NELL2: variants seen among roughly 807,000 people sequenced by gnomAD.
The protein encoded by NELL2 is neural EGFL like 2, also known as protein kinase C-binding protein NELL2.
In NELL2, 41 loss-of-function variants were observed where a neutral mutation model predicts 109.6. The ratio of observed to expected loss-of-function variants is 0.37; its 90% CI spans 0.29 to 0.49. NELL2 has a LOEUF of 0.49. Among genes scored for constraint, NELL2 ranks in the 20% least tolerant of loss-of-function variants. The probability of loss-of-function intolerance (pLI) is 0.98; values close to 1 mark genes in which losing one functional copy is unlikely to be tolerated. For synonymous variants in NELL2, 355 were observed against 344.7 expected (o/e 1.03, Z -0.33); for missense variants, 900 against 1,008.3 (o/e 0.89, Z 1.45).
At chr12:44,749,809 C>G (rs148538570) in intron 9 of NELL2, among the ~76,000 whole-genome samples, 64 of 152,060 alleles carry the variant, frequency 4.2e-4, no homozygotes, top group African/African-American at 1.4e-3. Flanking sequence ...GCAAATAACA[C>G]CATAAAAAGA....
At chr12:44,587,282 A>T (rs868669295) in intron 15 of NELL2, among the ~76,000 whole-genome samples, 1 of 70,502 alleles carries the variant, frequency 1.4e-5, no homozygotes, top group African/African-American at 5.7e-5. Flanking sequence ...AAAAAAAAAA[A>T]AAATATATAT....
At chr12:44,837,542 G>A (rs1026985155) in intron 2 of NELL2, among the ~76,000 whole-genome samples, 6 of 152,172 alleles carry the variant, frequency 3.9e-5, no homozygotes, top group Non-Finnish European at 1.5e-5. Flanking sequence ...CCAGATGAGC[G>A]TATGACAGGT....
intron 13 of NELL2, among the ~76,000 whole-genome samples, chr12:44,648,948 T>C (rs993621455): frequency 3.7e-5 from 3 of 82,042 alleles, no homozygotes; most frequent in African/African-American, 1.7e-4. Flanking sequence ...GTGTGTTTAG[T>C]AGAGACAGGG....
chr12:44,879,088 GAGA>G (rs1332326680), upstream of NELL2, among the ~76,000 whole-genome samples: 9 of 152,166 alleles, frequency 5.9e-5, no homozygotes, highest in Non-Finnish European at 1.2e-4. Flanking sequence ...AATGCAATAT[GAGA>G]AGAACTCGAC....
Position 44,714,203 on chromosome 12 carries a change from C to T in NELL2, c.1086+447G>A, listed in dbSNP as rs554347831. 2.6e-5 allele frequency among the ~76,000 whole-genome samples: 4 copies of T among 151,968 alleles called. No individual in the cohort carries two copies. The East Asian group carries it at 7.7e-4, about 29-fold the overall frequency. ...TTTAACTAATTTAAAACACTCCTTC[C>T]AAAGGGAATTAGATAAATATCAGTC... On this transcript the variant is annotated intron_variant, in intron 10 of 19. Coordinates refer to ENST00000429094, the MANE Select transcript of NELL2 (RefSeq NM_001145108.2).
At chr12:44,585,586 G>A (rs75271259) in intron 15 of NELL2, among the ~76,000 whole-genome samples, 4,816 of 152,228 alleles carry the variant, frequency 0.032, 123 homozygotes, top group Non-Finnish European at 0.048. Context: ...TCTCAAGAAC[G>A]AGACAGAACT....
intron 9 of NELL2, among the ~76,000 whole-genome samples, chr12:44,736,020 T>C: frequency 6.8e-6 from 1 of 147,054 alleles, no homozygotes; most frequent in East Asian, 2.0e-4. Context: ...TTTTTTTTTT[T>C]TTTTTTTTCT....
chr12:44,654,864 T>A (rs182157561), intron 13 of NELL2, among the ~76,000 whole-genome samples: 2 of 152,244 alleles, frequency 1.3e-5, no homozygotes, highest in Non-Finnish European at 1.5e-5. Context: ...GAAGACGAAC[T>A]CTGCTCCACG....
chr12:44,611,851 A>T (rs1945636138), intron 13 of NELL2, among the ~76,000 whole-genome samples: 2 of 152,080 alleles, frequency 1.3e-5, no homozygotes, highest in Admixed American at 1.3e-4. Flanking sequence ...TGAGAAAGCA[A>T]ACAAATCTAA....
chr12:44,784,476 T>C (rs890300760), intron 3 of NELL2, among the ~76,000 whole-genome samples: 2 of 152,162 alleles, frequency 1.3e-5, no homozygotes, highest in Non-Finnish European at 2.9e-5. Flanking sequence ...TACCATTCCT[T>C]CTGAAACTGT....
At chr12:44,648,114 G>C (rs1947162250) in intron 13 of NELL2, among the ~76,000 whole-genome samples, 1 of 152,136 alleles carries the variant, frequency 6.6e-6, no homozygotes, top group African/African-American at 2.4e-5. Context: ...AGAAACAGAT[G>C]GGGAGAGATA....
chr12:44,620,484 T>C lies in NELL2; in HGVS notation c.1445-9514A>G, dbSNP rs553929440. 2.2e-4 allele frequency among the ~76,000 whole-genome samples: 34 copies of C among 152,284 alleles called. 2 individuals are homozygous for C. The South Asian group carries it at 4.8e-3, about 21-fold the overall frequency. On this transcript the variant is annotated intron_variant, in intron 13 of 19. Coordinates refer to ENST00000429094, the MANE Select transcript of NELL2 (RefSeq NM_001145108.2). ...AATGGCAATCTTGCAGTATCTCTTA[T>C]TGTCTCTTCAAGTGCTTGCCCCATT...
At chr12:44,891,802 G>C (rs1945537644) in intron 1 of NELL2, among the ~76,000 whole-genome samples, 2 of 152,192 alleles carry the variant, frequency 1.3e-5, no homozygotes, top group South Asian at 4.1e-4. Context: ...GTTTAATCAA[G>C]TTGAAATGGA....
chr12:44,610,915 G>A lies in NELL2; in HGVS notation c.1500C>T (p.Phe500=), dbSNP rs1488173846. 3.1e-6 allele frequency: 5 copies of A among 1,612,964 alleles called. No individual in the cohort carries two copies. Among genetic ancestry groups the A allele is most frequent in the Admixed American group, 1.7e-5 (1 of 59,932 alleles). The part of the protein sequence containing the change: ...QHNCDENALC[F]NTVGGHNCVC... ...CACAGTTGTGTCCTCCAACAGTGTTGAAGCATAAAGCATTTTCATCACAGT... is the reference window on the plus strand; with the variant it reads ...CACAGTTGTGTCCTCCAACAGTGTTAAAGCATAAAGCATTTTCATCACAGT... The change falls in exon 14 of 20, where the codon TTC becomes TTT. Residue 500 remains phenylalanine, a synonymous_variant. Coordinates refer to ENST00000429094, the MANE Select transcript of NELL2 (RefSeq NM_001145108.2).
intron 11 of NELL2, among the ~76,000 whole-genome samples, chr12:44,708,564 TA>T (rs1938017537): frequency 6.6e-6 from 1 of 152,234 alleles, no homozygotes; most frequent in Non-Finnish European, 1.5e-5. Context: ...ACTAAAAATT[TA>T]AGCCTTGAAA....
chr12:44,810,004 A>T (rs1943122126), intron 3 of NELL2, among the ~76,000 whole-genome samples: 1 of 152,062 alleles, frequency 6.6e-6, no homozygotes, highest in South Asian at 2.1e-4. Flanking sequence ...CCAGTTAGTG[A>T]ATTCCTCATG....
intron 13 of NELL2, among the ~76,000 whole-genome samples, chr12:44,622,401 T>G (rs553383465): frequency 2.0e-5 from 3 of 152,232 alleles, no homozygotes; most frequent in South Asian, 4.1e-4. Flanking sequence ...ACTAAGCTAG[T>G]GAAAATCTCT....
intron 11 of NELL2, among the ~76,000 whole-genome samples, chr12:44,704,501 TA>T (rs1002715587): frequency 4.8e-4 from 73 of 152,334 alleles, no homozygotes; most frequent in African/African-American, 1.7e-3. Flanking sequence ...GAACATTTTA[TA>T]AATAGTGACA....
At chr12:44,631,033 A>G (rs897982002) in intron 13 of NELL2, among the ~76,000 whole-genome samples, 1 of 151,858 alleles carries the variant, frequency 6.6e-6, no homozygotes, top group Non-Finnish European at 1.5e-5. Context: ...TTTCAAGAAA[A>G]TGTTTCTGAT....
Sources: gnomAD v4.1 joint callset for allele counts (sites outside exome capture counted in the v4.1 genomes callset) on GRCh38, gnomAD v4.1.1 for gene constraint, MANE v1.5 for transcripts, NCBI Gene and HGNC (gene_info 2026-07-23, HGNC 2026-07-21) for gene names.